Variants in CTNNA3 observed in about 807,000 individuals in gnomAD.
CTNNA3 encodes catenin alpha 3.
A neutral mutation model predicts 95.7 loss-of-function variants in CTNNA3; 76 were observed. The ratio of observed to expected loss-of-function variants is 0.79; its 90% CI spans 0.66 to 0.96. The LOEUF (loss-of-function observed/expected upper bound fraction) is 0.96. CTNNA3 is among the 40% of genes least tolerant of loss of function. The pLI is 0.00. For missense variants in CTNNA3, 1,191 were observed against 1,089.8 expected, an observed-to-expected ratio of 1.09 and a Z score of -1.31; for synonymous variants, 431 against 374.4, an observed-to-expected ratio of 1.15 and a Z score of -1.74.
chr10:66,998,783 T>C (rs1851513603), intron 7 of CTNNA3, among the ~76,000 whole-genome samples: 1 of 152,158 alleles, frequency 6.6e-6, no homozygotes, highest in Non-Finnish European at 1.5e-5. Flanking sequence ...ACTTTTCTTA[T>C]AACTGATACA....
chr10:67,211,526 G>A (rs1018875907), intron 6 of CTNNA3, among the ~76,000 whole-genome samples: 1 of 152,084 alleles, frequency 6.6e-6, no homozygotes, highest in African/African-American at 2.4e-5. Context: ...CCTCACACTA[G>A]GTTCTGAAAT....
chr10:67,108,338 TG>T (rs1858759672), intron 7 of CTNNA3, among the ~76,000 whole-genome samples: 1 of 152,186 alleles, frequency 6.6e-6, no homozygotes, highest in African/African-American at 2.4e-5. Flanking sequence ...CATCAAATTC[TG>T]GACAATTAAG....
intron 15 of CTNNA3, among the ~76,000 whole-genome samples, chr10:66,011,632 T>A (rs1460557028): frequency 6.6e-6 from 1 of 152,158 alleles, no homozygotes; most frequent in Non-Finnish European, 1.5e-5. Flanking sequence ...CTTGACCAAG[T>A]TCATACTGTC....
At chr10:67,207,737 T>C (rs966057467) in intron 6 of CTNNA3, among the ~76,000 whole-genome samples, 14 of 152,194 alleles carry the variant, frequency 9.2e-5, no homozygotes, top group Non-Finnish European at 1.9e-4. Flanking sequence ...ACCTGCAAGA[T>C]TACCCGAATA....
At chr10:67,051,982 T>C (rs964144005) in intron 7 of CTNNA3, among the ~76,000 whole-genome samples, 4 of 151,774 alleles carry the variant, frequency 2.6e-5, no homozygotes, top group Admixed American at 6.6e-5. Flanking sequence ...CTCAAACTCC[T>C]GACCTCAGGT....
At chr10:67,332,218 T>C (rs1457632415) in intron 5 of CTNNA3, among the ~76,000 whole-genome samples, 3 of 152,226 alleles carry the variant, frequency 2.0e-5, no homozygotes, top group Non-Finnish European at 1.5e-5. Flanking sequence ...AAATCTTTGT[T>C]CCAAAGTAAA....
At chr10:66,206,030 C>G (rs1187826929) in intron 13 of CTNNA3, among the ~76,000 whole-genome samples, 3 of 151,746 alleles carry the variant, frequency 2.0e-5, no homozygotes, top group Non-Finnish European at 4.4e-5. Context: ...CTAATTTGAC[C>G]AAAAATTTAG....
At chr10:66,805,742 TTAAA>T (rs1229472789) in intron 7 of CTNNA3, among the ~76,000 whole-genome samples, 1 of 151,976 alleles carries the variant, frequency 6.6e-6, no homozygotes, top group Non-Finnish European at 1.5e-5. Flanking sequence ...GTTGGTTCCT[TTAAA>T]TAGTCATCAT....
At chr10:66,014,186 T>C (rs2079053508) in intron 15 of CTNNA3, among the ~76,000 whole-genome samples, 1 of 152,076 alleles carries the variant, frequency 6.6e-6, no homozygotes, top group South Asian at 2.1e-4. Context: ...CTACGCTACA[T>C]ACAAAGAATG....
At chr10:67,189,122 C>A (rs1230934156) in intron 6 of CTNNA3, among the ~76,000 whole-genome samples, 4 of 142,086 alleles carry the variant, frequency 2.8e-5, no homozygotes, top group African/African-American at 1.2e-4. Flanking sequence ...GTCAAACAAA[C>A]AAACAAACAA....
At chr10:67,469,773 A>G (rs1454496941) in intron 5 of CTNNA3, among the ~76,000 whole-genome samples, 1 of 152,200 alleles carries the variant, frequency 6.6e-6, no homozygotes, top group African/African-American at 2.4e-5. Context: ...AATAAAAAAA[A>G]GAAAAGTGAT....
intron 4 of CTNNA3, among the ~76,000 whole-genome samples, chr10:67,530,572 G>T (rs1434338928): frequency 6.6e-6 from 1 of 152,160 alleles, no homozygotes; most frequent in African/African-American, 2.4e-5. Flanking sequence ...GAGGTGACTT[G>T]GGTACTGTTA....
intron 7 of CTNNA3, among the ~76,000 whole-genome samples, chr10:66,780,378 A>G (rs1403172429): frequency 7.5e-6 from 1 of 132,784 alleles, no homozygotes; most frequent in Non-Finnish European, 1.6e-5. Context: ...CAGGATAAAG[A>G]AAAACCACAG....
chr10:66,277,714 T>A (rs1361290446), intron 13 of CTNNA3, among the ~76,000 whole-genome samples: 2 of 151,798 alleles, frequency 1.3e-5, no homozygotes, highest in African/African-American at 4.8e-5. Flanking sequence ...GAACTGGGGG[T>A]ATAGAGATAG....
chr10:67,126,280 G>A (rs1382139811), intron 7 of CTNNA3, among the ~76,000 whole-genome samples: 1 of 152,184 alleles, frequency 6.6e-6, no homozygotes, highest in Non-Finnish European at 1.5e-5. Flanking sequence ...TGTAATCCCA[G>A]CACTTTGGGA....
intron 7 of CTNNA3, among the ~76,000 whole-genome samples, chr10:66,818,228 C>T (rs982514653): frequency 1.3e-5 from 2 of 152,004 alleles, no homozygotes; most frequent in African/African-American, 4.8e-5. Context: ...AGGAACCTGA[C>T]AAGAATGTCT....
chr10:66,446,385 A>C (rs1421786174), intron 11 of CTNNA3, among the ~76,000 whole-genome samples: 11 of 151,178 alleles, frequency 7.3e-5, no homozygotes, highest in Non-Finnish European at 1.5e-5. Context: ...AGGTAATTTT[A>C]GACCAATATC....
chr10:66,431,589 C>A (rs1589240399), intron 11 of CTNNA3, among the ~76,000 whole-genome samples: 1 of 151,970 alleles, frequency 6.6e-6, no homozygotes, highest in Non-Finnish European at 1.5e-5. Flanking sequence ...AGTTCATGTC[C>A]TTTGTAGGGA....
At chr10:66,886,014 G>C (rs958242651) in intron 7 of CTNNA3, among the ~76,000 whole-genome samples, 1 of 151,936 alleles carries the variant, frequency 6.6e-6, no homozygotes, top group Non-Finnish European at 1.5e-5. Flanking sequence ...TCCCAAAATG[G>C]TTCCCTTTGT....
Sources: gnomAD v4.1 joint callset for allele counts (sites outside exome capture counted in the v4.1 genomes callset) on GRCh38, gnomAD v4.1.1 for gene constraint, MANE v1.5 for transcripts, NCBI Gene and HGNC (gene_info 2026-07-23, HGNC 2026-07-21) for gene names.